RFWD3: variants seen among roughly 807,000 people sequenced by gnomAD.
The protein encoded by RFWD3 is ring finger and WD repeat domain 3.
Under a neutral mutation model 87.7 loss-of-function variants are expected in RFWD3, and 65 were observed. That is an observed-to-expected ratio of 0.74 (90% confidence interval 0.61 to 0.91). RFWD3 has a LOEUF of 0.91. Ranked by LOEUF, RFWD3 falls within the 40% of genes least tolerant of loss-of-function variation. The pLI, the probability that RFWD3 is intolerant of heterozygous loss-of-function variation, is 0.00. For synonymous variants in RFWD3, 433 were observed against 352.8 expected (o/e 1.23, Z -2.55); for missense variants, 1,078 against 938.5 (o/e 1.15, Z -1.94).
Position 74,630,832 on chromosome 16 carries a change from T to A in RFWD3, c.1703A>T (p.Asp568Val), listed in dbSNP as rs1255273507. 1 of 1,613,496 alleles carries A rather than the reference T, an allele frequency of 6.2e-7. No individual in the cohort carries two copies. The highest frequency in any genetic ancestry group is 1.3e-5 in the African/African-American group (1 of 74,834). ...GLANGSILVY[D>V]VRNTSSHVQE... ...CACATGACTGCTCGTGTTTCGCACG[T>A]CATATACCAGAATTGAACCATTGGC... The change falls in exon 10 of 13, where the codon GAC (aspartate) becomes GTC (valine). Residue 568 changes from aspartate to valine, a missense_variant. Asp to Val is a radical substitution (Grantham distance 152). Coordinates refer to ENST00000361070, the MANE Select transcript of RFWD3 (RefSeq NM_018124.4).
intron 1 of RFWD3, among the ~76,000 whole-genome samples, chr16:74,662,254 G>T (rs1179500548): frequency 2.0e-5 from 3 of 152,022 alleles, no homozygotes; most frequent in African/African-American, 7.3e-5. Context: ...GAGCCACTGT[G>T]CCTCCCTACC....
intron 7 of RFWD3, among the ~76,000 whole-genome samples, chr16:74,637,420 T>C (rs1211237969): frequency 6.6e-6 from 1 of 152,030 alleles, no homozygotes; most frequent in East Asian, 1.9e-4. Context: ...TGAAGTCAGG[T>C]GTTCAAGACT....
chr16:74,646,162 C>A (rs536565336), intron 4 of RFWD3, among the ~76,000 whole-genome samples: 9 of 152,190 alleles, frequency 5.9e-5, no homozygotes, highest in Admixed American at 5.9e-4. Context: ...ATTCCTTGAG[C>A]TCAGGAGTTT....
In RFWD3 at chr16:74,626,450, CAAA is replaced by C. The variant is rs867228258; in HGVS notation, c.2071_2073del (p.Phe691del). 6.2e-7 allele frequency: 1 copy of C among 1,614,118 alleles called. No individual in the cohort carries two copies. The highest frequency in any genetic ancestry group is 1.1e-5 in the South Asian group (1 of 91,084). On this transcript the variant is annotated inframe_deletion, in exon 12 of 13. Transcript: ENST00000361070. ...GTCAATAGTTTGCAAGTAGGTCCTCCAAAAAATGTATGTACAGGCTGGCAGGAG... is the reference window on the plus strand; with the variant it reads ...GTCAATAGTTTGCAAGTAGGTCCTCCAAATGTATGTACAGGCTGGCAGGAG...
At position 74,632,619 on chromosome 16, in the gene RFWD3, G is replaced by C. The variant is rs199852515; in HGVS notation, c.1481C>G (p.Pro494Arg). Residue 494 changes from proline (P) to arginine (R), a missense_variant, in exon 9 of 13, where the codon CCG becomes CGG. By Grantham distance (103) the Pro-to-Arg change is moderately radical. Coordinates refer to ENST00000361070, the MANE Select transcript of RFWD3 (RefSeq NM_018124.4). ...TCCACGGATCTGTTTGCCATGCATC[G>C]GAATGTACTGACTGCTCTTCATGTT... ...TANMKSSQYI[P>R]MHGKQIRGLA... The C allele has an allele frequency of 2.5e-6, 4 of 1,613,920 alleles. No individual in the cohort carries two copies. The highest frequency in any genetic ancestry group is 2.2e-5 in the East Asian group (1 of 44,880).
chr16:74,641,856 G>C (rs1485596509), intron 6 of RFWD3, among the ~76,000 whole-genome samples: 1 of 144,604 alleles, frequency 6.9e-6, no homozygotes, highest in Non-Finnish European at 1.5e-5. Flanking sequence ...AACCTGGGAG[G>C]CGGGAAGTTG....
chr16:74,631,277 A>G (rs1236127419), intron 9 of RFWD3, among the ~76,000 whole-genome samples: 1 of 152,142 alleles, frequency 6.6e-6, no homozygotes, highest in African/African-American at 2.4e-5. Flanking sequence ...TGAGGTCAGG[A>G]GTTTGAGACC....
intron 10 of RFWD3, 63 bp from the exon 11 acceptor site, chr16:74,628,729 T>A: frequency 6.9e-7 from 1 of 1,446,566 alleles, no homozygotes; most frequent in Non-Finnish European, 9.7e-7. Context: ...CAGACCCCAC[T>A]ACCAGACCTC....
Position 74,626,356 on chromosome 16 carries a change from G to T in RFWD3, c.2168C>A (p.Ala723Glu). The T allele has an allele frequency of 7.4e-6, 12 of 1,613,936 alleles. No homozygotes were observed. The highest frequency in any genetic ancestry group is 1.0e-5 in the Non-Finnish European group (12 of 1,179,804). ...NILVCTGDEA[A>E]NSALLWDAAS... The stretch of plus-strand genomic sequence containing the variant: ...TAACAGGCTCACCAGGGCAGAATTT[G>T]CTGCTTCATCCCCAGTACACACCAG... Residue 723 changes from alanine to glutamate, a missense_variant, in exon 12 of 13, where the codon GCA (alanine) becomes GAA (glutamate). By Grantham distance (107) the Ala-to-Glu change is moderately radical. Coordinates refer to ENST00000361070, the MANE Select transcript of RFWD3 (RefSeq NM_018124.4).
At chr16:74,643,615 G>T (rs1959842422) in intron 6 of RFWD3, among the ~76,000 whole-genome samples, 1 of 149,100 alleles carries the variant, frequency 6.7e-6, no homozygotes, top group African/African-American at 2.5e-5. Flanking sequence ...TCTCAATGGT[G>T]TGTATGTTCT....
At chr16:74,665,760 T>TA (rs1421949926) in intron 1 of RFWD3, among the ~76,000 whole-genome samples, 3 of 151,528 alleles carry the variant, frequency 2.0e-5, no homozygotes, top group Non-Finnish European at 4.4e-5. Context: ...TTCTTTCTTT[T>TA]TTTGAGATGG....
At chr16:74,645,854 A>G (rs919449322) in intron 4 of RFWD3, among the ~76,000 whole-genome samples, 1 of 140,000 alleles carries the variant, frequency 7.1e-6, no homozygotes, top group African/African-American at 2.7e-5. Flanking sequence ...CTGGGTTCAC[A>G]CCATTCTCTT....
chr16:74,644,564 CT>C lies in RFWD3; in HGVS notation c.963del (p.Gly322AspfsTer26). 1 of 1,614,158 alleles carries C rather than the reference CT, an allele frequency of 6.2e-7. No individual in the cohort carries two copies. Among genetic ancestry groups the C allele is most frequent in the South Asian group, 1.1e-5 (1 of 91,082 alleles). On this transcript the variant is annotated frameshift_variant, in exon 5 of 13. Coordinates refer to ENST00000361070, the MANE Select transcript of RFWD3 (RefSeq NM_018124.4). LOFTEE classifies it high-confidence loss of function. ...FGYRCISTWL[K>X]GQVRKCPQCN... ...ACCTGGGGACATTTTCGTACTTGTC[CT>C]TTAAGCCACGTGGAAATGCACCTAT...
At chr16:74,646,139 C>A (rs893499728) in intron 4 of RFWD3, among the ~76,000 whole-genome samples, 1 of 152,132 alleles carries the variant, frequency 6.6e-6, no homozygotes, top group African/African-American at 2.4e-5. Flanking sequence ...TATTGGGAGG[C>A]CAAGGCAGGA....
chr16:74,665,840 G>A (rs1029437719), intron 1 of RFWD3, among the ~76,000 whole-genome samples: 1 of 151,638 alleles, frequency 6.6e-6, no homozygotes, highest in African/African-American at 2.4e-5. Flanking sequence ...TCGGCCTCCC[G>A]GGTTCAAGCG....
intron 2 of RFWD3, among the ~76,000 whole-genome samples, chr16:74,655,490 G>C (rs1221116079): frequency 6.7e-6 from 1 of 149,192 alleles, no homozygotes; most frequent in Non-Finnish European, 1.5e-5. Context: ...CTCGTGATTC[G>C]CCCGCCTCGG....
rs1555529872 is a variant in RFWD3, at chr16:74,666,819, C to CCCGCCGAAGACTCGGCAGTTACCT, written c.-37_-36insAGGTAACTGCCGAGTCTTCGGCGG. 2.8e-5 allele frequency: 1 copy of CCCGCCGAAGACTCGGCAGTTACCT among 35,436 alleles called. No individual in the cohort carries two copies. Among genetic ancestry groups the CCCGCCGAAGACTCGGCAGTTACCT allele is most frequent in the African/African-American group, 2.2e-4 (1 of 4,618 alleles). 2.2% of individuals were successfully genotyped at this position (35,436 alleles called of 1,614,324 possible). ...AGCAGGCCGCGGCCGGGCTCGCGAG[C>CCCGCCGAAGACTCGGCAGTTACCT]CCGCCGAAGACTCGGTAGTTACCTC... On this transcript the variant is annotated 5_prime_UTR_variant, in exon 1 of 13. Transcript: ENST00000361070.
intron 11 of RFWD3, among the ~76,000 whole-genome samples, 160 bp from the exon 12 acceptor site, chr16:74,626,714 A>G (rs1958947146): frequency 6.6e-6 from 1 of 152,200 alleles, no homozygotes. Context: ...ACAATATCAC[A>G]GCATCAATGA....
Position 74,623,739 on chromosome 16 carries a change from G to A in RFWD3, c.*189C>T. ...AAAGTACCCATCAATTACTCTTTTAGTGGACATAACAGATACACAATCTGT... is the reference window on the plus strand; with the variant it reads ...AAAGTACCCATCAATTACTCTTTTAATGGACATAACAGATACACAATCTGT... On this transcript the variant is annotated 3_prime_UTR_variant, in exon 13 of 13. Coordinates refer to ENST00000361070, the MANE Select transcript of RFWD3 (RefSeq NM_018124.4). 1 of 552,440 alleles carries A rather than the reference G, an allele frequency of 1.8e-6. No individual in the cohort carries two copies. Among genetic ancestry groups the A allele is most frequent in the South Asian group, 2.7e-5 (1 of 36,636 alleles). The allele number at this position is 552,440 out of a possible 1,614,324, so 34.2% of individuals were successfully genotyped here.
Sources: allele counts gnomAD v4.1 joint callset (sites outside exome capture counted in the v4.1 genomes callset), GRCh38; gene constraint gnomAD v4.1.1; transcripts MANE v1.5; gene names NCBI Gene and HGNC (gene_info 2026-07-23, HGNC 2026-07-21).